The following MGAT3 variants were observed in gnomAD, a reference collection of about 807,000 sequenced individuals.
The protein encoded by MGAT3 is GlcNAc-T III.
A neutral mutation model predicts 29.8 loss-of-function variants in MGAT3; 9 were observed. The ratio of observed to expected loss-of-function variants is 0.30; its 90% CI spans 0.18 to 0.53. MGAT3 has a LOEUF of 0.53. Ranked by LOEUF, MGAT3 falls within the 20% of genes least tolerant of loss-of-function variation. MGAT3 has a pLI of 0.96. For synonymous variants in MGAT3, 397 were observed against 348.9 expected (o/e 1.14, Z -1.54); for missense variants, 557 against 769.5 (o/e 0.72, Z 3.27).
chr22:39,465,670 C>CA (rs1928622618), intron 1 of MGAT3, among the ~76,000 whole-genome samples: 1 of 151,722 alleles, frequency 6.6e-6, no homozygotes, highest in South Asian at 2.1e-4. Flanking sequence ...TGAAATCATG[C>CA]AAAAAAACTC....
chr22:39,461,295 AT>A (rs1276422731), intron 1 of MGAT3, among the ~76,000 whole-genome samples: 6 of 152,110 alleles, frequency 3.9e-5, no homozygotes, highest in Admixed American at 2.6e-4. Context: ...GCTGCGGGCG[AT>A]ACTGTAGGTG....
At chr22:39,466,629 C>T (rs986703745) in intron 1 of MGAT3, among the ~76,000 whole-genome samples, 1 of 152,204 alleles carries the variant, frequency 6.6e-6, no homozygotes, top group Non-Finnish European at 1.5e-5. Context: ...CTGCCAGAGC[C>T]CCCTCTCCTT....
chr22:39,462,398 G>T (rs1928524225), intron 1 of MGAT3, among the ~76,000 whole-genome samples: 1 of 152,240 alleles, frequency 6.6e-6, no homozygotes, highest in East Asian at 1.9e-4. Context: ...TGGATGAATG[G>T]ATGAATGAAT....
intron 1 of MGAT3, among the ~76,000 whole-genome samples, chr22:39,481,119 C>T (rs746749662): frequency 2.0e-5 from 3 of 152,224 alleles, no homozygotes; most frequent in Non-Finnish European, 4.4e-5. Context: ...GGGTTTGTTC[C>T]CTGCCCCCCA....
chr22:39,475,544 G>A (rs1188954994), intron 1 of MGAT3, among the ~76,000 whole-genome samples: 1 of 152,182 alleles, frequency 6.6e-6, no homozygotes, highest in African/African-American at 2.4e-5. Context: ...TGCTCTATGA[G>A]CCTCTCTCAG....
intron 1 of MGAT3, among the ~76,000 whole-genome samples, chr22:39,462,981 C>G (rs945334324): frequency 1.4e-4 from 21 of 152,156 alleles, no homozygotes; most frequent in African/African-American, 4.8e-4. Flanking sequence ...CGGCTGCCCT[C>G]TCTGGGCAGG....
At chr22:39,472,300 C>A (rs950286470) in intron 1 of MGAT3, among the ~76,000 whole-genome samples, 6 of 152,158 alleles carry the variant, frequency 3.9e-5, no homozygotes, top group Non-Finnish European at 8.8e-5. Flanking sequence ...GCTCCCTGAC[C>A]CCCGCCCTGT....
chr22:39,463,258 T>G (rs975336408), intron 1 of MGAT3, among the ~76,000 whole-genome samples: 1 of 152,242 alleles, frequency 6.6e-6, no homozygotes, highest in Admixed American at 6.5e-5. Flanking sequence ...TTATCATCCC[T>G]GTTTGGCACT....
intron 1 of MGAT3, among the ~76,000 whole-genome samples, chr22:39,474,069 G>A (rs1183275315): frequency 1.3e-5 from 2 of 152,176 alleles, no homozygotes; most frequent in South Asian, 2.1e-4. Flanking sequence ...AGGGTGACCC[G>A]TTCCTGTTGG....
At chr22:39,478,057 C>T (rs1929019383) in intron 1 of MGAT3, among the ~76,000 whole-genome samples, 1 of 152,250 alleles carries the variant, frequency 6.6e-6, no homozygotes, top group South Asian at 2.1e-4. Flanking sequence ...AAAGATGTGC[C>T]TCCTGCCTTC....
Position 39,488,937 on chromosome 22 carries a change from G to C in MGAT3, c.1590G>C (p.Glu530Asp), listed in dbSNP as rs117647351. Residue 530 changes from glutamate to aspartate, a missense_variant, in exon 2 of 2, where the codon GAG (glutamate) becomes GAC (aspartate). Glu to Asp is a conservative substitution (Grantham distance 45, BLOSUM62 2). Coordinates refer to ENST00000341184, the MANE Select transcript of MGAT3 (RefSeq NM_002409.5). ...GRPPARGKLD[E>D]AEV Reference sequence around the variant, plus strand: ...CGCCCGCCCGGGGCAAACTGGACGAGGCGGAAGTCTAGAGCTGCATGATCT... The same window carrying C: ...CGCCCGCCCGGGGCAAACTGGACGACGCGGAAGTCTAGAGCTGCATGATCT... The C allele has an allele frequency of 1.7e-5, 27 of 1,605,312 alleles. No homozygotes were observed. The highest frequency in any genetic ancestry group is 3.4e-4 in the Middle Eastern group (2 of 5,798).
intron 1 of MGAT3, among the ~76,000 whole-genome samples, chr22:39,469,047 C>T (rs1392983255): frequency 2.8e-5 from 4 of 144,980 alleles, no homozygotes; most frequent in Non-Finnish European, 3.0e-5. Flanking sequence ...GCTGCCATTC[C>T]GGTGAGCGGT....
intron 1 of MGAT3, among the ~76,000 whole-genome samples, chr22:39,459,909 C>A (rs1043308715): frequency 2.6e-5 from 4 of 152,232 alleles, no homozygotes. Flanking sequence ...GCGGGCCAGG[C>A]CAGCTTCACT....
In MGAT3 at chr22:39,492,109, G is replaced by A. The variant is rs1450586749; in HGVS notation, c.*3160G>A. 1.2e-5 allele frequency: 2 copies of A among 167,134 alleles called. No homozygotes were observed. Among genetic ancestry groups the A allele is most frequent in the African/African-American group, 4.8e-5 (2 of 41,412 alleles). 10.4% of individuals were successfully genotyped at this position (167,134 alleles called of 1,614,324 possible). ...TGTACATTCTGAAATCATTTTCTCT[G>A]TAAATGGTTGGATTTCATTTCACCC... On this transcript the variant is annotated 3_prime_UTR_variant, in exon 2 of 2. Transcript: ENST00000341184.
At chr22:39,469,861 C>A (rs916820984) in intron 1 of MGAT3, among the ~76,000 whole-genome samples, 1 of 152,178 alleles carries the variant, frequency 6.6e-6, no homozygotes, top group Admixed American at 6.5e-5. Flanking sequence ...CAGGGCAGGG[C>A]GGCGCTGAAC....
chr22:39,488,238 C>G lies in MGAT3; in HGVS notation c.891C>G (p.Thr297=). Residue 297 remains threonine, a synonymous_variant, in exon 2 of 2, where the codon ACC becomes ACG. Transcript: ENST00000341184. ...IADDYLRTFL[T]QDGVSRLRNL... is the part of the protein sequence containing the mutation. ...ACGACTACCTGCGCACCTTCCTCAC[C>G]CAGGACGGCGTCTCGCGGCTGCGCA... The G allele has an allele frequency of 6.2e-7, 1 of 1,612,036 alleles. No individual in the cohort carries two copies.
chr22:39,463,820 G>A lies in MGAT3; in HGVS notation c.-2+6263G>A, dbSNP rs7291144. ...AGCCTCATCTACTTGGAAGGTTGAG[G>A]GGGAAGATCACTTGAGCCCAGGAGG... On this transcript the variant is annotated intron_variant, in intron 1 of 1. Coordinates refer to ENST00000341184, the MANE Select transcript of MGAT3 (RefSeq NM_002409.5). 1.2e-3 allele frequency among the ~76,000 whole-genome samples: 179 copies of A among 151,958 alleles called. 1 individual carries two copies. The highest frequency in any genetic ancestry group is 3.4e-3 in the Middle Eastern group (1 of 294).
intron 1 of MGAT3, among the ~76,000 whole-genome samples, chr22:39,485,232 C>T (rs1929238216): frequency 1.3e-5 from 2 of 152,142 alleles, no homozygotes; most frequent in Non-Finnish European, 2.9e-5. Flanking sequence ...ACTCCTGGCT[C>T]GCCTGCCCAC....
intron 1 of MGAT3, among the ~76,000 whole-genome samples, chr22:39,465,979 C>A (rs1007429338): frequency 6.6e-6 from 1 of 151,236 alleles, no homozygotes; most frequent in Non-Finnish European, 1.5e-5. Flanking sequence ...GAGCAAAATG[C>A]GCACTGCCCG....
Sources: allele counts gnomAD v4.1 joint callset (sites outside exome capture counted in the v4.1 genomes callset), GRCh38; gene constraint gnomAD v4.1.1; transcripts MANE v1.5; gene names NCBI Gene and HGNC (gene_info 2026-07-23, HGNC 2026-07-21).